Variants in ERC1 observed in about 807,000 individuals in gnomAD.
ERC1 encodes ELKS/RAB6-interacting/CAST family member 1.
In ERC1, 56 loss-of-function variants were observed where a neutral mutation model predicts 132.0. The observed-to-expected ratio is 0.42, with a 90% confidence interval of 0.34 to 0.53. ERC1 has a LOEUF of 0.53. Ranked by LOEUF, ERC1 falls within the 20% of genes least tolerant of loss-of-function variation. The pLI is 0.03. For synonymous variants in ERC1, 478 were observed against 476.1 expected, an observed-to-expected ratio of 1.00 and a Z score of -0.05; for missense variants, 1,202 against 1,349.9, an observed-to-expected ratio of 0.89 and a Z score of 1.72.
At chr12:1,459,793 G>A (rs530639375) in intron 18 of ERC1, among the ~76,000 whole-genome samples, 1 of 152,320 alleles carries the variant, frequency 6.6e-6, no homozygotes, top group South Asian at 2.1e-4. Context: ...AGTGATTAAG[G>A]TTAGCATCTC....
chr12:1,183,244 A>G (rs561456324), intron 10 of ERC1, 37 bp from the exon 11 acceptor site: 1 of 1,402,130 alleles, frequency 7.1e-7, no homozygotes, highest in East Asian at 2.4e-5. Context: ...TATTTTTTTT[A>G]AAATTATTTA....
intron 3 of ERC1, among the ~76,000 whole-genome samples, chr12:1,091,798 G>A (rs1368376502): frequency 6.6e-6 from 1 of 152,152 alleles, no homozygotes; most frequent in Non-Finnish European, 1.5e-5. Context: ...AGTGAACAAG[G>A]GAGTATAGTA....
At chr12:1,026,803 T>C (rs1368493748) in intron 1 of ERC1, among the ~76,000 whole-genome samples, 1 of 152,238 alleles carries the variant, frequency 6.6e-6, no homozygotes, top group African/African-American at 2.4e-5. Flanking sequence ...GCTGTCTTCC[T>C]TCCTTGTTCA....
At chr12:1,281,134 T>A (rs1299825720) in intron 14 of ERC1, among the ~76,000 whole-genome samples, 2 of 152,198 alleles carry the variant, frequency 1.3e-5, no homozygotes, top group African/African-American at 4.8e-5. Context: ...ATTATTTCAT[T>A]TGATCTTAGA....
chr12:1,397,851 A>G (rs2090667626), intron 16 of ERC1, among the ~76,000 whole-genome samples: 1 of 152,086 alleles, frequency 6.6e-6, no homozygotes, highest in Non-Finnish European at 1.5e-5. Context: ...TGAAATTTAA[A>G]AACAAACAGA....
intron 1 of ERC1, among the ~76,000 whole-genome samples, chr12:1,005,510 T>G (rs999680186): frequency 6.6e-6 from 1 of 152,214 alleles, no homozygotes; most frequent in Non-Finnish European, 1.5e-5. Context: ...TGCATTTAGA[T>G]ATAAAGTTAT....
chr12:1,072,109 A>AC (rs1043711543), intron 2 of ERC1, among the ~76,000 whole-genome samples: 2 of 151,998 alleles, frequency 1.3e-5, no homozygotes, highest in African/African-American at 2.4e-5. Context: ...TCAAAAAAAA[A>AC]AACAAAAAAG....
intron 1 of ERC1, among the ~76,000 whole-genome samples, chr12:1,014,802 C>T (rs541515862): frequency 2.6e-5 from 4 of 151,858 alleles, no homozygotes; most frequent in East Asian, 1.9e-4. Flanking sequence ...ATCTCACTGT[C>T]ACCCAGGCTG....
chr12:1,421,263 T>TG (rs963851809), intron 17 of ERC1, among the ~76,000 whole-genome samples: 2 of 152,184 alleles, frequency 1.3e-5, no homozygotes, highest in Admixed American at 6.5e-5. Flanking sequence ...TCTCACCCAC[T>TG]GCACAGAAAA....
At chr12:1,077,152 T>C (rs1941487166) in intron 2 of ERC1, among the ~76,000 whole-genome samples, 1 of 151,000 alleles carries the variant, frequency 6.6e-6, no homozygotes, top group Admixed American at 6.6e-5. Context: ...ACTCTGATCT[T>C]CTTGATAAAC....
At chr12:1,075,390 G>T (rs1031730812) in intron 2 of ERC1, among the ~76,000 whole-genome samples, 1 of 152,116 alleles carries the variant, frequency 6.6e-6, no homozygotes, top group Non-Finnish European at 1.5e-5. Flanking sequence ...CTAGAGAAAA[G>T]AAAATGTTAT....
intron 7 of ERC1, among the ~76,000 whole-genome samples, chr12:1,121,836 T>TG (rs1491198764): frequency 5.7e-5 from 1 of 17,536 alleles, no homozygotes; most frequent in Non-Finnish European, 1.6e-4. Flanking sequence ...TCTCTATCTC[T>TG]ATCTATCTCT....
chr12:1,264,568 G>A (rs1368668213), intron 14 of ERC1, among the ~76,000 whole-genome samples: 15 of 152,074 alleles, frequency 9.9e-5, no homozygotes, highest in Admixed American at 9.2e-4. Flanking sequence ...GGAGGCTGAG[G>A]CAGGAGAATG....
Position 1,183,334 on chromosome 12 carries a change from GA to G in ERC1, c.2075del (p.Lys692ArgfsTer8). 3.1e-6 allele frequency: 5 copies of G among 1,599,562 alleles called. No homozygotes were observed. Among genetic ancestry groups the G allele is most frequent in the South Asian group, 1.1e-5 (1 of 88,930 alleles). On this transcript the variant is annotated frameshift_variant, in exon 11 of 19. Transcript: ENST00000360905. LOFTEE classifies it high-confidence loss of function. ...CTTCTTCTCTGGCATCCTCAGGACT[GA>G]AAAAGGACTCACGGCTTAAGACACT... ...HASSLASSGL[K>X]KDSRLKTLEI...
At chr12:1,196,416 T>A (rs941246723) in intron 12 of ERC1, among the ~76,000 whole-genome samples, 1 of 152,128 alleles carries the variant, frequency 6.6e-6, no homozygotes, top group African/African-American at 2.4e-5. Flanking sequence ...TGTTTAGTTA[T>A]ATTTGTTCAT....
chr12:1,202,537 G>A (rs543647052), intron 12 of ERC1, among the ~76,000 whole-genome samples: 1 of 151,998 alleles, frequency 6.6e-6, no homozygotes, highest in Non-Finnish European at 1.5e-5. Context: ...TTTGTCTATA[G>A]TCCCAGCTAT....
At chr12:998,730 C>T (rs544471653) in intron 1 of ERC1, among the ~76,000 whole-genome samples, 3 of 152,126 alleles carry the variant, frequency 2.0e-5, no homozygotes, top group African/African-American at 7.2e-5. Flanking sequence ...TCAGGACTGT[C>T]TACCACAGCA....
At position 1,067,926 on chromosome 12, in the gene ERC1, C is replaced by CT. The variant is rs71441641; in HGVS notation, c.670-15219dup. Reference sequence around the variant, plus strand: ...TTACTGTATTTCATTTTAGCCACTGCTTTTTTTTTTTTTTTTTTTCCTTCT... The same window carrying CT: ...TTACTGTATTTCATTTTAGCCACTGCTTTTTTTTTTTTTTTTTTTTCCTTCT... On this transcript the variant is annotated intron_variant, in intron 2 of 18. Coordinates refer to ENST00000360905, the MANE Select transcript of ERC1 (RefSeq NM_178040.4). Among the ~76,000 whole-genome samples the CT allele has an allele frequency of 8.1e-4, 98 of 120,948 alleles. 1 individual carries two copies. Among genetic ancestry groups the CT allele is most frequent in the African/African-American group, 2.8e-3 (89 of 31,610 alleles). 79.3% of individuals were successfully genotyped at this position (120,948 alleles called of 152,430 possible).
At chr12:1,029,754 T>TC (rs1235811669) in intron 2 of ERC1, among the ~76,000 whole-genome samples, 5 of 148,794 alleles carry the variant, frequency 3.4e-5, no homozygotes, top group Admixed American at 1.3e-4. Context: ...CTTTTTTTTT[T>TC]TTTTTTTTTT....
Sources: allele counts gnomAD v4.1 joint callset (sites outside exome capture counted in the v4.1 genomes callset), GRCh38; gene constraint gnomAD v4.1.1; transcripts MANE v1.5; gene names NCBI Gene and HGNC (gene_info 2026-07-23, HGNC 2026-07-21).